Variants in CCDC141 observed in about 807,000 individuals in gnomAD.
CCDC141 encodes coiled-coil domain-containing protein 141.
CCDC141 carries 168 observed loss-of-function variants against 181.0 expected under a neutral mutation model. That is an observed-to-expected ratio of 0.93 (90% CI 0.82 to 1.05). CCDC141 has a LOEUF of 1.05. Among genes scored for constraint, CCDC141 ranks in the 50% least tolerant of loss-of-function variants. The probability of loss-of-function intolerance (pLI) is 0.00; values close to 1 mark genes in which losing one functional copy is unlikely to be tolerated. For missense variants in CCDC141, 1,902 were observed against 1,788.5 expected (o/e 1.06, Z -1.14); for synonymous variants, 666 against 642.3 (o/e 1.04, Z -0.56).
intron 5 of CCDC141, among the ~76,000 whole-genome samples, chr2:178,953,202 C>T (rs140792292): frequency 2.2e-4 from 33 of 152,196 alleles, no homozygotes; most frequent in African/African-American, 7.2e-4. Flanking sequence ...TTTGGGAGGC[C>T]GAGGCAGGCG....
intron 5 of CCDC141, among the ~76,000 whole-genome samples, chr2:178,959,393 C>G (rs16866580): frequency 1.3e-5 from 2 of 151,652 alleles, no homozygotes; most frequent in Non-Finnish European, 2.9e-5. Flanking sequence ...TCTGGGAACA[C>G]GGTGGCTGGT....
intron 5 of CCDC141, among the ~76,000 whole-genome samples, chr2:178,957,635 T>C (rs915159694): frequency 2.0e-5 from 3 of 152,256 alleles, no homozygotes; most frequent in Non-Finnish European, 4.4e-5. Flanking sequence ...CATAACAGCT[T>C]TATTCATAAT....
At chr2:178,885,762 A>G (rs921707036) in intron 10 of CCDC141, among the ~76,000 whole-genome samples, 13 of 152,214 alleles carry the variant, frequency 8.5e-5, no homozygotes, top group African/African-American at 3.1e-4. Flanking sequence ...GAGCCATGTA[A>G]AATTTCATTG....
intron 7 of CCDC141, among the ~76,000 whole-genome samples, chr2:178,918,246 C>A (rs1006836596): frequency 4.5e-4 from 68 of 150,982 alleles, no homozygotes; most frequent in African/African-American, 1.4e-3. Context: ...CCTGTCTCTA[C>A]CAAAAAAAAA....
chr2:179,003,555 T>C (rs1288734268), intron 2 of CCDC141, among the ~76,000 whole-genome samples: 3 of 152,238 alleles, frequency 2.0e-5, no homozygotes, highest in Non-Finnish European at 4.4e-5. Flanking sequence ...AAATATTAGC[T>C]ATTATTTTAA....
At chr2:178,834,517 A>G in intron 23 of CCDC141, 77 bp from the exon 24 acceptor site, 1 of 1,451,774 alleles carries the variant, frequency 6.9e-7, no homozygotes, top group South Asian at 1.3e-5. Context: ...AATGCTTGCA[A>G]ATAGGCCCAT....
At chr2:178,914,134 A>G (rs1297471481) in intron 7 of CCDC141, among the ~76,000 whole-genome samples, 4 of 152,174 alleles carry the variant, frequency 2.6e-5, no homozygotes, top group South Asian at 2.1e-4. Context: ...AAGGATGAAT[A>G]TTTTGGAGGA....
intron 2 of CCDC141, among the ~76,000 whole-genome samples, chr2:179,027,788 C>T (rs563950090): frequency 6.6e-6 from 1 of 151,450 alleles, no homozygotes; most frequent in African/African-American, 2.4e-5. Context: ...CCATGTGGAA[C>T]AGTAAGTCCA....
chr2:178,887,475 C>T (rs537531547), intron 9 of CCDC141, among the ~76,000 whole-genome samples: 2 of 152,218 alleles, frequency 1.3e-5, no homozygotes, highest in African/African-American at 4.8e-5. Context: ...TGCTTTGTCC[C>T]CTCGCTCTAA....
chr2:178,933,446 T>G (rs779980493), intron 6 of CCDC141, among the ~76,000 whole-genome samples: 2 of 152,186 alleles, frequency 1.3e-5, no homozygotes, highest in Non-Finnish European at 2.9e-5. Context: ...ATGGGTGGAT[T>G]TGAGATTCTT....
At chr2:178,885,244 T>TA (rs3045637) in intron 10 of CCDC141, among the ~76,000 whole-genome samples, 152 bp from the exon 11 acceptor site, 1,694 of 137,136 alleles carry the variant, frequency 0.012, 8 homozygotes, top group East Asian at 0.027. Context: ...TCCAAAATTC[T>TA]AAAAAAAAAA....
At chr2:178,834,697 A>G (rs1684404661) in intron 23 of CCDC141, among the ~76,000 whole-genome samples, 1 of 151,842 alleles carries the variant, frequency 6.6e-6, no homozygotes, top group African/African-American at 2.4e-5. Context: ...CAGGCTCTCA[A>G]GTAGCTGGGA....
In CCDC141 at chr2:178,945,677, C is replaced by G. The variant is rs1207600159; in HGVS notation, c.781-1026G>C. ...CTAGCAGCCCATTCAAAATAATGGGCATATAAATCCCAAGCCTGATACTAT... is the reference window on the plus strand; with the variant it reads ...CTAGCAGCCCATTCAAAATAATGGGGATATAAATCCCAAGCCTGATACTAT... On this transcript the variant is annotated intron_variant, in intron 5 of 23. Coordinates refer to ENST00000443758, the MANE Select transcript of CCDC141 (RefSeq NM_173648.4). Among the ~76,000 whole-genome samples the G allele has an allele frequency of 2.0e-5, 3 of 152,190 alleles. No individual in the cohort carries two copies. The East Asian group carries it at 5.8e-4, about 29-fold the overall frequency.
chr2:178,954,088 T>C (rs1464492693), intron 5 of CCDC141, among the ~76,000 whole-genome samples: 1 of 152,240 alleles, frequency 6.6e-6, no homozygotes, highest in African/African-American at 2.4e-5. Flanking sequence ...AAAAAGAGAT[T>C]GTCTGCCCTC....
At chr2:178,955,826 A>G (rs574568851) in intron 5 of CCDC141, among the ~76,000 whole-genome samples, 5 of 152,248 alleles carry the variant, frequency 3.3e-5, no homozygotes, top group East Asian at 1.9e-4. Context: ...TAAACTATCA[A>G]TTCAGTGCCC....
At chr2:178,902,369 C>T (rs901187209) in intron 8 of CCDC141, among the ~76,000 whole-genome samples, 1 of 152,300 alleles carries the variant, frequency 6.6e-6, no homozygotes, top group East Asian at 1.9e-4. Flanking sequence ...TACAAGTCTA[C>T]AGTAACCAAA....
chr2:178,871,216 T>G (rs1212994153), intron 14 of CCDC141, among the ~76,000 whole-genome samples: 1 of 152,200 alleles, frequency 6.6e-6, no homozygotes, highest in Admixed American at 6.5e-5. Context: ...TTTAGGACAT[T>G]GTATAGCCCT....
intron 5 of CCDC141, among the ~76,000 whole-genome samples, chr2:178,951,956 A>G (rs1206323909): frequency 6.6e-6 from 1 of 152,240 alleles, no homozygotes; most frequent in African/African-American, 2.4e-5. Flanking sequence ...TTGTTAAGCC[A>G]TCAGTTCAGT....
At chr2:178,826,558 G>A (rs12992014), downstream of CCDC141, among the ~76,000 whole-genome samples, 49,096 of 151,800 alleles carry the variant, frequency 0.32, 9,071 homozygotes, top group Middle Eastern at 0.42. Context: ...TGGGCCTTGT[G>A]TTTTCTTTTT....
Sources: allele counts gnomAD v4.1 joint callset (sites outside exome capture counted in the v4.1 genomes callset), GRCh38; gene constraint gnomAD v4.1.1; transcripts MANE v1.5; gene names NCBI Gene and HGNC (gene_info 2026-07-23, HGNC 2026-07-21).